ITPRID1: variants seen among roughly 807,000 people sequenced by gnomAD.
ITPRID1 encodes the protein ITPR interacting domain containing 1, also known as protein ITPRID1.
In ITPRID1, 96 loss-of-function variants were observed where a neutral mutation model predicts 95.4. The observed-to-expected ratio is 1.01, with a 90% confidence interval of 0.85 to 1.19. ITPRID1 has a LOEUF of 1.19. ITPRID1 is among the 50% of genes most tolerant of loss of function. The pLI is 0.00. For missense variants in ITPRID1, 1,339 were observed against 1,252.9 expected (o/e 1.07, Z -1.04); for synonymous variants, 510 against 453.6 (o/e 1.12, Z -1.58).
chr7:31,522,699 A>G (rs1320829557), intron 1 of ITPRID1, among the ~76,000 whole-genome samples: 1 of 152,184 alleles, frequency 6.6e-6, no homozygotes, highest in Non-Finnish European at 1.5e-5. Flanking sequence ...GATGCTAGGC[A>G]TTAGACAGAA....
rs1784484654 is a variant in ITPRID1, at chr7:31,557,414, G to A, written c.256+2513G>A. On this transcript the variant is annotated intron_variant, in intron 5 of 14. Coordinates refer to ENST00000615280, the MANE Select transcript of ITPRID1 (RefSeq NM_001257967.3). ...AGATAGTTGGGATAAGGCTTCAGTG[G>A]TCCTGTTCCTGGTTTCCTGTTGGGT... Among the ~76,000 whole-genome samples the A allele has an allele frequency of 6.6e-5, 10 of 152,166 alleles. No homozygotes were observed. In the South Asian group the frequency reaches 2.1e-3, roughly 32 times the overall value.
chr7:31,647,713 C>A (rs1388500335), intron 12 of ITPRID1, among the ~76,000 whole-genome samples: 43 of 104,922 alleles, frequency 4.1e-4, no homozygotes, highest in African/African-American at 1.4e-3. Context: ...AAGAAGAAGA[C>A]GATGACGACA....
chr7:31,641,466 A>G (rs1311425250), intron 10 of ITPRID1, among the ~76,000 whole-genome samples: 10 of 148,176 alleles, frequency 6.7e-5, no homozygotes, highest in Admixed American at 5.4e-4. Flanking sequence ...AGCATTTCTC[A>G]TTAAAGAAGA....
At chr7:31,640,932 T>G (rs1156601389) in intron 10 of ITPRID1, among the ~76,000 whole-genome samples, 1 of 152,186 alleles carries the variant, frequency 6.6e-6, no homozygotes, top group Non-Finnish European at 1.5e-5. Flanking sequence ...GAGGCTGAAT[T>G]AAAGAGTGTG....
chr7:31,621,131 T>C (rs1455415121), intron 10 of ITPRID1, among the ~76,000 whole-genome samples: 1 of 152,068 alleles, frequency 6.6e-6, no homozygotes, highest in African/African-American at 2.4e-5. Context: ...CTACGTCTGA[T>C]TGGTGTACCT....
chr7:31,612,369 T>C (rs1786909976), intron 10 of ITPRID1, among the ~76,000 whole-genome samples: 1 of 152,100 alleles, frequency 6.6e-6, no homozygotes, highest in Non-Finnish European at 1.5e-5. Flanking sequence ...TTTGTTTTGT[T>C]TTGTTTTTGT....
intron 10 of ITPRID1, among the ~76,000 whole-genome samples, chr7:31,635,953 G>T (rs945939974): frequency 2.0e-5 from 3 of 152,098 alleles, no homozygotes; most frequent in Non-Finnish European, 4.4e-5. Context: ...TTTAAAAAAA[G>T]AAAAGAGGTT....
chr7:31,530,547 T>C (rs1783564168), intron 1 of ITPRID1, among the ~76,000 whole-genome samples: 1 of 152,186 alleles, frequency 6.6e-6, no homozygotes, highest in African/African-American at 2.4e-5. Flanking sequence ...CATAAATGTA[T>C]TTTTTGATCT....
At chr7:31,637,039 T>C (rs1276371140) in intron 10 of ITPRID1, among the ~76,000 whole-genome samples, 2 of 152,004 alleles carry the variant, frequency 1.3e-5, no homozygotes, top group African/African-American at 4.8e-5. Context: ...TCCAGCTTCA[T>C]CCATGTCCCT....
chr7:31,619,205 A>G (rs1254734083), intron 10 of ITPRID1, among the ~76,000 whole-genome samples: 1 of 152,006 alleles, frequency 6.6e-6, no homozygotes, highest in African/African-American at 2.4e-5. Context: ...TTCTATGTCT[A>G]TTTTCAGGTG....
intron 10 of ITPRID1, among the ~76,000 whole-genome samples, chr7:31,629,887 G>A (rs1329153968): frequency 7.2e-5 from 11 of 152,144 alleles, no homozygotes; most frequent in Admixed American, 7.2e-4. Context: ...GAATTAGGAA[G>A]TCTTGCTTAA....
chr7:31,604,291 C>T (rs1051934177), intron 10 of ITPRID1, among the ~76,000 whole-genome samples: 2 of 152,208 alleles, frequency 1.3e-5, no homozygotes, highest in African/African-American at 4.8e-5. Context: ...GAGGGAACCA[C>T]AGCTCAGAGA....
intron 10 of ITPRID1, among the ~76,000 whole-genome samples, chr7:31,614,740 C>A (rs1787044778): frequency 6.6e-6 from 1 of 151,986 alleles, no homozygotes; most frequent in Non-Finnish European, 1.5e-5. Context: ...AGTGGGTGGC[C>A]AGGAAAGGTT....
At chr7:31,519,620 C>CTCTCCATATATATATATATA in intron 1 of ITPRID1, among the ~76,000 whole-genome samples, 1 of 25,254 alleles carries the variant, frequency 4.0e-5, no homozygotes, top group African/African-American at 1.4e-4. Flanking sequence ...CTCTCTCTCT[C>CTCTCCATATATATATATATA]TATATATATA....
chr7:31,594,931 A>C (rs538638134), intron 10 of ITPRID1, among the ~76,000 whole-genome samples: 1 of 152,232 alleles, frequency 6.6e-6, no homozygotes, highest in African/African-American at 2.4e-5. Flanking sequence ...AAAATAATAC[A>C]AGAGGATAAA....
At position 31,642,953 on chromosome 7, in the gene ITPRID1, C is replaced by T. The variant is rs1790157182; in HGVS notation, c.1583C>T (p.Thr528Ile). The change falls in exon 12 of 15, where the codon ACC becomes ATC. Residue 528 changes from threonine to isoleucine, a missense_variant. Coordinates refer to ENST00000615280, the MANE Select transcript of ITPRID1 (RefSeq NM_001257967.3). ...CCAGACATGGCCTGTGCCAAGACCACCACGAGGGGAGAATGCCCAAGGAAA... is the reference window on the plus strand; with the variant it reads ...CCAGACATGGCCTGTGCCAAGACCATCACGAGGGGAGAATGCCCAAGGAAA... ...YIPDMACAKT[T>I]TRGECPRKDS... The T allele has an allele frequency of 3.7e-6, 6 of 1,614,066 alleles. No individual in the cohort carries two copies. The highest frequency in any genetic ancestry group is 5.1e-6 in the Non-Finnish European group (6 of 1,179,900).
chr7:31,637,470 CA>C (rs1765286885), intron 10 of ITPRID1, among the ~76,000 whole-genome samples: 1 of 152,162 alleles, frequency 6.6e-6, no homozygotes, highest in Admixed American at 6.5e-5. Context: ...TTTTGATTTG[CA>C]TTTCTCTGAT....
At chr7:31,624,930 A>C (rs1001960342) in intron 10 of ITPRID1, among the ~76,000 whole-genome samples, 7 of 152,342 alleles carry the variant, frequency 4.6e-5, no homozygotes, top group Admixed American at 4.6e-4. Context: ...TTACAAGAAA[A>C]AAACAAACAA....
At chr7:31,551,332 G>C (rs1047370300) in intron 2 of ITPRID1, among the ~76,000 whole-genome samples, 2 of 143,234 alleles carry the variant, frequency 1.4e-5, no homozygotes, top group African/African-American at 4.9e-5. Context: ...GTTTTTAAAG[G>C]TTATTTTGTT....
Sources: gnomAD v4.1 joint callset for allele counts (sites outside exome capture counted in the v4.1 genomes callset) on GRCh38, gnomAD v4.1.1 for gene constraint, MANE v1.5 for transcripts, NCBI Gene and HGNC (gene_info 2026-07-23, HGNC 2026-07-21) for gene names.